ADAM12: variants seen among roughly 807,000 people sequenced by gnomAD.
ADAM12 encodes the protein disintegrin and metalloproteinase domain-containing protein 12.
Under a neutral mutation model 106.4 loss-of-function variants are expected in ADAM12, and 70 were observed. The ratio of observed to expected loss-of-function variants is 0.66; its 90% CI spans 0.54 to 0.80. The LOEUF (loss-of-function observed/expected upper bound fraction) is 0.80, where lower values mean the gene tolerates loss of function less well. ADAM12 is among the 30% of genes least tolerant of loss of function. ADAM12 has a pLI of 0.00. For missense variants in ADAM12, 1,010 were observed against 1,171.9 expected, an observed-to-expected ratio of 0.86 and a Z score of 2.02; for synonymous variants, 420 against 433.5, an observed-to-expected ratio of 0.97 and a Z score of 0.39.
At chr10:126,167,811 G>A (rs1353504300) in intron 3 of ADAM12, among the ~76,000 whole-genome samples, 1 of 152,148 alleles carries the variant, frequency 6.6e-6, no homozygotes, top group African/African-American at 2.4e-5. Context: ...GATGTGGGAG[G>A]ACACGTGACA....
In ADAM12 at chr10:126,014,409, TAAG is replaced by T. The variant is rs1953623601; in HGVS notation, c.*2867_*2869del. On this transcript the variant is annotated 3_prime_UTR_variant, in exon 23 of 23. Transcript: ENST00000448723. ...TTCAGCCTGAGAATTCTCATAAAGT[TAAG>T]AAGGCATAAAAATGCCCCCCCCCCG... The T allele has an allele frequency of 2.5e-5, 2 of 79,248 alleles. No homozygotes were observed. The highest frequency in any genetic ancestry group is 1.0e-3 in the South Asian group (2 of 1,994). 4.9% of individuals were successfully genotyped at this position (79,248 alleles called of 1,614,324 possible). A position where few individuals can be genotyped will look rare whatever the true frequency, so the allele number is the denominator to read the frequency against.
At chr10:126,342,146 AG>A in intron 1 of ADAM12, among the ~76,000 whole-genome samples, 1 of 152,226 alleles carries the variant, frequency 6.6e-6, no homozygotes, top group South Asian at 2.1e-4. Flanking sequence ...GGTGGGGAAT[AG>A]GGTGAGATGG....
intron 3 of ADAM12, among the ~76,000 whole-genome samples, chr10:126,175,788 G>A (rs947281800): frequency 3.9e-5 from 6 of 152,184 alleles, no homozygotes; most frequent in East Asian, 3.9e-4. Context: ...AAGCCCAGCC[G>A]GTGGCTGCCC....
chr10:126,181,040 G>C (rs573840185), intron 3 of ADAM12, among the ~76,000 whole-genome samples: 1 of 151,462 alleles, frequency 6.6e-6, no homozygotes, highest in East Asian at 1.9e-4. Context: ...AAAGAATCTA[G>C]CAGATATAAA....
At chr10:126,098,266 T>A (rs1565054558) in intron 10 of ADAM12, 150 bp downstream of exon 10, 4 of 649,172 alleles carry the variant, frequency 6.2e-6, no homozygotes, top group Non-Finnish European at 1.1e-5. Flanking sequence ...CTGTGGGATA[T>A]ATAAAATTAT....
rs1855560381 is a variant in ADAM12 at position 126,356,919 on chromosome 10, A to G, written c.89-26410T>C. Among the ~76,000 whole-genome samples, 3 of 152,242 alleles carry G rather than the reference A, an allele frequency of 2.0e-5. No homozygotes were observed. The South Asian group carries it at 6.2e-4, about 31-fold the overall frequency. On this transcript the variant is annotated intron_variant, in intron 1 of 22. Transcript: ENST00000448723. ...GAAGCAGATAATTTAAAATTATCCA[A>G]TCAGAGGAACAAACAGAAAAATGAA...
rs377469014 is a variant in ADAM12 at position 126,120,807 on chromosome 10, A to C, written c.417-2583T>G. Among the ~76,000 whole-genome samples the C allele has an allele frequency of 4.0e-5, 6 of 149,392 alleles. No homozygotes were observed. In the East Asian group the frequency reaches 1.2e-3, roughly 29 times the overall value. Reference sequence around the variant, plus strand: ...ACAAAATTTTGCAGATTATTTTAGCAAATTCAGGAGTGAGGATAAGGTCTA... The same window carrying C: ...ACAAAATTTTGCAGATTATTTTAGCCAATTCAGGAGTGAGGATAAGGTCTA... On this transcript the variant is annotated intron_variant, in intron 5 of 22. Transcript: ENST00000448723.
At chr10:126,051,640 T>TCCAG (rs1477127869) in intron 14 of ADAM12, among the ~76,000 whole-genome samples, 5 of 150,520 alleles carry the variant, frequency 3.3e-5, no homozygotes, top group African/African-American at 1.2e-4. Flanking sequence ...CGTCCATCCA[T>TCCAG]CCAGCCAGCC....
chr10:126,224,621 C>T lies in ADAM12; in HGVS notation c.260+54294G>A, dbSNP rs150009177. 3.3e-4 allele frequency among the ~76,000 whole-genome samples: 50 copies of T among 152,304 alleles called. No individual in the cohort carries two copies. In the East Asian group the frequency reaches 9.5e-3, roughly 29 times the overall value. On this transcript the variant is annotated intron_variant, in intron 3 of 22. Coordinates refer to ENST00000448723, the MANE Select transcript of ADAM12 (RefSeq NM_001288973.2). Reference sequence around the variant, plus strand: ...GAAGGGAGGTTCCAAGGGCATCTTCCCATAATACTGCAGTCTTTAGCCCGT... The same window carrying T: ...GAAGGGAGGTTCCAAGGGCATCTTCTCATAATACTGCAGTCTTTAGCCCGT...
chr10:126,262,049 T>C (rs1341109230), intron 3 of ADAM12, among the ~76,000 whole-genome samples: 1 of 152,208 alleles, frequency 6.6e-6, no homozygotes, highest in Admixed American at 6.5e-5. Flanking sequence ...CTTTGAAAAG[T>C]CATCAATAGT....
At chr10:126,255,743 T>G (rs1040088620) in intron 3 of ADAM12, among the ~76,000 whole-genome samples, 1 of 152,210 alleles carries the variant, frequency 6.6e-6, no homozygotes, top group African/African-American at 2.4e-5. Context: ...CCAGGACAAC[T>G]GAATGATACT....
At chr10:126,121,066 T>G (rs1828277447) in intron 5 of ADAM12, among the ~76,000 whole-genome samples, 1 of 112,938 alleles carries the variant, frequency 8.9e-6, no homozygotes, top group Non-Finnish European at 1.7e-5. Context: ...GCAATATAAT[T>G]AAATATATTA....
In ADAM12 at chr10:126,106,981, C is replaced by T. The variant is rs115086181; in HGVS notation, c.741+1612G>A. On this transcript the variant is annotated intron_variant, in intron 8 of 22. Coordinates refer to ENST00000448723, the MANE Select transcript of ADAM12 (RefSeq NM_001288973.2). ...GTAGAACAGCCGGGGCCTTGAGCACCGTGAATCTTTGCAGCTTCATCTCCT... is the reference window on the plus strand; with the variant it reads ...GTAGAACAGCCGGGGCCTTGAGCACTGTGAATCTTTGCAGCTTCATCTCCT... Among the ~76,000 whole-genome samples, 358 of 152,264 alleles carry T rather than the reference C, an allele frequency of 2.4e-3. 3 individuals carry two copies. The highest frequency in any genetic ancestry group is 7.3e-3 in the African/African-American group (304 of 41,548).
chr10:126,363,276 A>T (rs565852344), intron 1 of ADAM12, among the ~76,000 whole-genome samples: 47 of 152,328 alleles, frequency 3.1e-4, no homozygotes, highest in Non-Finnish European at 1.3e-4. Flanking sequence ...TCTGTACAAG[A>T]TTTATGTTCC....
At chr10:126,051,512 T>TCCAGCCAGCCAG (rs1226123163) in intron 14 of ADAM12, among the ~76,000 whole-genome samples, 70 of 139,102 alleles carry the variant, frequency 5.0e-4, no homozygotes, top group South Asian at 3.5e-3. Flanking sequence ...CGTCCATCCA[T>TCCAGCCAGCCAG]CCATCCATCC....
chr10:126,271,826 T>C (rs12218815), intron 3 of ADAM12, among the ~76,000 whole-genome samples: 2,474 of 152,312 alleles, frequency 0.016, 48 homozygotes, highest in East Asian at 0.055. Flanking sequence ...TTTTCTTCTA[T>C]GGCATGCCAC....
intron 3 of ADAM12, among the ~76,000 whole-genome samples, chr10:126,262,263 C>A (rs773479242): frequency 1.3e-5 from 2 of 152,072 alleles, no homozygotes; most frequent in Non-Finnish European, 2.9e-5. Flanking sequence ...AGAAATCCTA[C>A]TTTTTATATA....
At chr10:126,020,299 C>A (rs367827709) in intron 21 of ADAM12, among the ~76,000 whole-genome samples, 1 of 152,298 alleles carries the variant, frequency 6.6e-6, no homozygotes, top group African/African-American at 2.4e-5. Flanking sequence ...CACGTGCAGG[C>A]GCTGTTCCAC....
chr10:126,299,791 C>T (rs1425109876), intron 2 of ADAM12, among the ~76,000 whole-genome samples: 1 of 152,022 alleles, frequency 6.6e-6, no homozygotes, highest in Admixed American at 6.6e-5. Context: ...TTATAGGTGC[C>T]CACCACCACG....
Sources: gnomAD v4.1 joint callset for allele counts (sites outside exome capture counted in the v4.1 genomes callset) on GRCh38, gnomAD v4.1.1 for gene constraint, MANE v1.5 for transcripts, NCBI Gene and HGNC (gene_info 2026-07-23, HGNC 2026-07-21) for gene names.